PLXDC2: variants seen among roughly 807,000 people sequenced by gnomAD.
PLXDC2 encodes the protein plexin domain-containing protein 2.
A neutral mutation model predicts 68.9 loss-of-function variants in PLXDC2; 40 were observed. That is an observed-to-expected ratio of 0.58 (90% CI 0.45 to 0.76). PLXDC2 has a LOEUF of 0.76. Among genes scored for constraint, PLXDC2 ranks in the 30% least tolerant of loss-of-function variants. PLXDC2 has a pLI of 0.00. For synonymous variants in PLXDC2, 243 were observed against 234.2 expected (o/e 1.04, Z -0.34); for missense variants, 644 against 661.9 (o/e 0.97, Z 0.30).
At chr10:19,864,938 A>G (rs1837386351) in intron 1 of PLXDC2, among the ~76,000 whole-genome samples, 1 of 152,220 alleles carries the variant, frequency 6.6e-6, no homozygotes, top group Non-Finnish European at 1.5e-5. Flanking sequence ...AGCCAGAGAA[A>G]GCCAGGAAGA....
chr10:20,187,709 T>G (rs546272642), intron 9 of PLXDC2, among the ~76,000 whole-genome samples: 2 of 151,912 alleles, frequency 1.3e-5, no homozygotes, highest in Non-Finnish European at 1.5e-5. Flanking sequence ...ATGTTCCTAT[T>G]AAGAAATGTA....
chr10:19,856,538 C>T (rs1014653451), intron 1 of PLXDC2, among the ~76,000 whole-genome samples: 5 of 152,048 alleles, frequency 3.3e-5, no homozygotes, highest in African/African-American at 9.7e-5. Flanking sequence ...AAAAAGTTCA[C>T]GTTGAGTTTG....
intron 2 of PLXDC2, among the ~76,000 whole-genome samples, chr10:20,022,258 T>G (rs548154387): frequency 1.3e-5 from 2 of 152,354 alleles, no homozygotes; most frequent in African/African-American, 4.8e-5. Flanking sequence ...GTTGCCAGTA[T>G]TTTTTAGTAA....
intron 1 of PLXDC2, among the ~76,000 whole-genome samples, chr10:19,862,075 C>T (rs1198508438): frequency 6.6e-6 from 1 of 152,176 alleles, no homozygotes; most frequent in Non-Finnish European, 1.5e-5. Context: ...ATGTTCTTAA[C>T]ATCTACTTTT....
At chr10:19,849,510 G>T (rs946575289) in intron 1 of PLXDC2, among the ~76,000 whole-genome samples, 1 of 152,154 alleles carries the variant, frequency 6.6e-6, no homozygotes. Flanking sequence ...TATGGGGGCA[G>T]TTCTTCATGT....
chr10:20,119,956 G>T (rs1400408798), intron 4 of PLXDC2, among the ~76,000 whole-genome samples: 1 of 152,208 alleles, frequency 6.6e-6, no homozygotes, highest in Non-Finnish European at 1.5e-5. Context: ...TCTGATTAGA[G>T]AGTGCCTAAG....
chr10:20,055,115 A>C (rs1835973863), intron 3 of PLXDC2, among the ~76,000 whole-genome samples: 1 of 152,184 alleles, frequency 6.6e-6, no homozygotes, highest in Non-Finnish European at 1.5e-5. Flanking sequence ...TATATCTGTC[A>C]TAATGCAGGT....
chr10:19,996,888 T>G (rs1275176964), intron 1 of PLXDC2, among the ~76,000 whole-genome samples: 2 of 152,116 alleles, frequency 1.3e-5, no homozygotes, highest in South Asian at 2.1e-4. Context: ...CTCATGGGAC[T>G]TATTCACTAT....
intron 7 of PLXDC2, among the ~76,000 whole-genome samples, chr10:20,165,821 A>T (rs1175953749): frequency 6.6e-6 from 1 of 152,168 alleles, no homozygotes; most frequent in African/African-American, 2.4e-5. Context: ...TTAGAAACCA[A>T]AATGCTAACT....
Position 20,172,994 on chromosome 10 carries a change from A to G in PLXDC2, c.884-4005A>G, listed in dbSNP as rs1233291835. On this transcript the variant is annotated intron_variant, in intron 7 of 13. Transcript: ENST00000377252. ...GCAAATGCATTTTTTATTTGTAGCT[A>G]CTTTATTTAACAACTCCAACTAGCT... Among the ~76,000 whole-genome samples, 3 of 152,328 alleles carry G rather than the reference A, an allele frequency of 2.0e-5. No homozygotes were observed. In the South Asian group the frequency reaches 6.2e-4, roughly 32 times the overall value.
chr10:20,219,058 T>C lies in PLXDC2; in HGVS notation c.1274-6T>C. 2 of 1,608,126 alleles carry C rather than the reference T, an allele frequency of 1.2e-6. No homozygotes were observed. The highest frequency in any genetic ancestry group is 1.7e-6 in the Non-Finnish European group (2 of 1,177,462). ...CTGTTATAGTAACTTTGAATTTCTCTTCCAGATGATACCAAGATAGCACTA... is the reference window on the plus strand; with the variant it reads ...CTGTTATAGTAACTTTGAATTTCTCCTCCAGATGATACCAAGATAGCACTA... On this transcript the variant is annotated splice_region_variant and splice_polypyrimidine_tract_variant and intron_variant, in intron 11 of 13. Coordinates refer to ENST00000377252, the MANE Select transcript of PLXDC2 (RefSeq NM_032812.9).
At chr10:20,138,506 C>T (rs191718249) in intron 4 of PLXDC2, among the ~76,000 whole-genome samples, 36 of 152,282 alleles carry the variant, frequency 2.4e-4, no homozygotes, top group Admixed American at 2.2e-3. Context: ...CCTATACTAC[C>T]CATGTGGCTT....
intron 1 of PLXDC2, among the ~76,000 whole-genome samples, chr10:19,975,227 G>A (rs1834429900): frequency 1.3e-5 from 2 of 152,132 alleles, no homozygotes; most frequent in Non-Finnish European, 2.9e-5. Flanking sequence ...GGCTGAGGCG[G>A]GCGGATCACG....
At chr10:20,139,651 A>AC (rs1347184517) in intron 4 of PLXDC2, among the ~76,000 whole-genome samples, 9 of 152,156 alleles carry the variant, frequency 5.9e-5, no homozygotes, top group Non-Finnish European at 1.0e-4. Flanking sequence ...TAGCACATAA[A>AC]CCCCATGGAA....
At chr10:19,956,211 C>A (rs1834066693) in intron 1 of PLXDC2, among the ~76,000 whole-genome samples, 1 of 152,164 alleles carries the variant, frequency 6.6e-6, no homozygotes, top group Non-Finnish European at 1.5e-5. Flanking sequence ...ATCCCTTTTA[C>A]ATGAAAACGA....
intron 2 of PLXDC2, among the ~76,000 whole-genome samples, chr10:20,031,700 A>G (rs906677857): frequency 6.6e-6 from 1 of 152,312 alleles, no homozygotes; most frequent in Admixed American, 6.5e-5. Context: ...GTAAAATATA[A>G]AGAAGCGCTA....
At chr10:19,835,749 A>C (rs185190593) in intron 1 of PLXDC2, among the ~76,000 whole-genome samples, 2 of 152,274 alleles carry the variant, frequency 1.3e-5, no homozygotes, top group African/African-American at 4.8e-5. Flanking sequence ...TCACTAGGAC[A>C]GATCAGGGAA....
intron 12 of PLXDC2, among the ~76,000 whole-genome samples, chr10:20,233,591 T>G (rs1437824575): frequency 6.6e-6 from 1 of 152,194 alleles, no homozygotes; most frequent in African/African-American, 2.4e-5. Context: ...TTAAGTAATT[T>G]GTTCATAGTC....
chr10:19,843,017 A>G (rs1836937190), intron 1 of PLXDC2, among the ~76,000 whole-genome samples: 1 of 152,010 alleles, frequency 6.6e-6, no homozygotes, highest in South Asian at 2.1e-4. Flanking sequence ...TTTATCCTTT[A>G]TTACATATCC....
Sources: gnomAD v4.1 joint callset for allele counts (sites outside exome capture counted in the v4.1 genomes callset) on GRCh38, gnomAD v4.1.1 for gene constraint, MANE v1.5 for transcripts, NCBI Gene and HGNC (gene_info 2026-07-23, HGNC 2026-07-21) for gene names.